The following PMS1 variants were observed in gnomAD, a reference collection of about 807,000 sequenced individuals.
PMS1 encodes the protein PMS1 homolog 1, mismatch repair system component.
PMS1 carries 79 observed loss-of-function variants against 93.1 expected under a neutral mutation model. The ratio of observed to expected loss-of-function variants is 0.85; its 90% CI spans 0.71 to 1.02. The LOEUF is 1.02. Among genes scored for constraint, PMS1 ranks in the 50% least tolerant of loss-of-function variants. PMS1 has a pLI of 0.00. For synonymous variants in PMS1, 335 were observed against 363.4 expected (o/e 0.92, Z 0.89); for missense variants, 1,064 against 1,085.3 (o/e 0.98, Z 0.28).
At chr2:189,868,454 A>G (rs2056860548) in intron 11 of PMS1, among the ~76,000 whole-genome samples, 1 of 152,208 alleles carries the variant, frequency 6.6e-6, no homozygotes, top group Admixed American at 6.5e-5. Flanking sequence ...ATTTAAAAAG[A>G]AAAAAGAAAA....
Position 189,854,549 on chromosome 2 carries a change from C to G in PMS1, c.1277C>G (p.Ser426Cys), listed in dbSNP as rs2055116992. The change falls in exon 9 of 13, where the codon TCT (serine) becomes TGT (cysteine). Residue 426 changes from serine (S) to cysteine (C), a missense_variant. By Grantham distance (112) the Ser-to-Cys change is moderately radical (BLOSUM62 -1). Transcript: ENST00000441310. ...TATGGTCATTGTAGTAGTGAAATTT[C>G]TAACATTGATAAAAACACTAAGAAT... ...FGYGHCSSEI[S>C]NIDKNTKNAF... is the part of the protein sequence containing the mutation. 1 of 1,613,280 alleles carries G rather than the reference C, an allele frequency of 6.2e-7. No homozygotes were observed. The highest frequency in any genetic ancestry group is 8.5e-7 in the Non-Finnish European group (1 of 1,179,456).
chr2:189,805,868 A>G (rs776112287), intron 4 of PMS1, 114 bp downstream of exon 4: 1 of 1,552,468 alleles, frequency 6.4e-7, no homozygotes, highest in South Asian at 1.2e-5. Flanking sequence ...CTTGGTCCTG[A>G]TAAAGGCTAG....
Position 189,877,412 on chromosome 2 carries a change from A to T in PMS1, c.2775A>T (p.Leu925Phe). 1.2e-6 allele frequency: 2 copies of T among 1,612,318 alleles called. No homozygotes were observed. The highest frequency in any genetic ancestry group is 1.7e-6 in the Non-Finnish European group (2 of 1,178,424). ...ATGGTCGCCCATTTTTTCATCATTT[A>T]ACCTATCTTCCAGAAACTACATGAT... ...CVHGRPFFHHLTYLPETT is the reference protein window; with the variant it reads ...CVHGRPFFHHFTYLPETT Residue 925 changes from leucine (L) to phenylalanine (F), a missense_variant, in exon 13 of 13, where the codon TTA becomes TTT. By Grantham distance (22) the Leu-to-Phe change is conservative. Transcript: ENST00000441310.
intron 9 of PMS1, 47 bp from the exon 10 acceptor site, chr2:189,863,696 T>C (rs1403453897): frequency 7.2e-7 from 1 of 1,385,742 alleles, no homozygotes; most frequent in Non-Finnish European, 1.0e-6. Flanking sequence ...ATGGTTAATA[T>C]ATTTCTGATT....
Position 189,833,420 on chromosome 2 carries a change from A to G in PMS1, c.583-10544A>G, listed in dbSNP as rs5743081. 9.6e-3 allele frequency among the ~76,000 whole-genome samples: 1,465 copies of G among 152,224 alleles called. 15 individuals are homozygous for G. Among genetic ancestry groups the G allele is most frequent in the Admixed American group, 0.016 (248 of 15,288 alleles). Reference sequence around the variant, plus strand: ...AACATGGTGAAACCCCGTCTCTACTAAAAATACAAAAATTAACTGGGCATG... The same window carrying G: ...AACATGGTGAAACCCCGTCTCTACTGAAAATACAAAAATTAACTGGGCATG... On this transcript the variant is annotated intron_variant, in intron 5 of 12. Transcript: ENST00000441310.
At chr2:189,809,147 CTTAAT>C (rs1231294846) in intron 4 of PMS1, among the ~76,000 whole-genome samples, 2 of 152,122 alleles carry the variant, frequency 1.3e-5, no homozygotes, top group Non-Finnish European at 2.9e-5. Context: ...ATCTTTTCAT[CTTAAT>C]TTAAGAATGG....
intron 1 of PMS1, among the ~76,000 whole-genome samples, chr2:189,789,818 G>A (rs2048683619): frequency 6.6e-6 from 1 of 151,790 alleles, no homozygotes; most frequent in African/African-American, 2.4e-5. Flanking sequence ...ATTTTTTTTG[G>A]TCCAATAAAA....
At chr2:189,871,480 A>G (rs561457920) in intron 11 of PMS1, among the ~76,000 whole-genome samples, 74 of 152,364 alleles carry the variant, frequency 4.9e-4, no homozygotes, top group Non-Finnish European at 2.5e-4. Context: ...TTGCGGGGAC[A>G]TAAAAAGGAT....
At chr2:189,823,271 T>A (rs1233281) in intron 5 of PMS1, among the ~76,000 whole-genome samples, 3,152 of 152,226 alleles carry the variant, frequency 0.021, 104 homozygotes, top group African/African-American at 0.071. Context: ...TTTATTTTTT[T>A]AATTTATTTT....
At chr2:189,821,842 A>G (rs144643459) in intron 5 of PMS1, among the ~76,000 whole-genome samples, 2 of 152,230 alleles carry the variant, frequency 1.3e-5, no homozygotes, top group Non-Finnish European at 2.9e-5. Flanking sequence ...AGGTAAAAAC[A>G]AGATTATTAC....
At chr2:189,864,690 ATATATATATATAT>A (rs1559324763) in intron 10 of PMS1, among the ~76,000 whole-genome samples, 1 of 8,392 alleles carries the variant, frequency 1.2e-4, no homozygotes, top group African/African-American at 5.5e-4. Flanking sequence ...AAAAAAAAAT[ATATATATATATAT>A]ATATATATAT....
chr2:189,855,626 T>C (rs1246616711), intron 9 of PMS1, among the ~76,000 whole-genome samples: 1 of 152,024 alleles, frequency 6.6e-6, no homozygotes, highest in African/African-American at 2.4e-5. Context: ...TGTTGTTCAT[T>C]TATACTGTTT....
intron 5 of PMS1, among the ~76,000 whole-genome samples, chr2:189,829,172 T>C (rs1037564522): frequency 6.6e-6 from 1 of 152,178 alleles, no homozygotes; most frequent in East Asian, 1.9e-4. Flanking sequence ...ATACTCAGAG[T>C]ACTGAGTAGG....
chr2:189,818,223 T>C (rs777728899), intron 5 of PMS1, 43 bp downstream of exon 5: 5 of 1,230,284 alleles, frequency 4.1e-6, no homozygotes, highest in South Asian at 3.8e-5. Context: ...GTATATGATA[T>C]AATAAACAAT....
chr2:189,843,738 C>G (rs1437679816), intron 5 of PMS1, among the ~76,000 whole-genome samples: 1 of 152,086 alleles, frequency 6.6e-6, no homozygotes, highest in East Asian at 1.9e-4. Flanking sequence ...GAGGAGAAAA[C>G]CAAGGTAAAG....
intron 5 of PMS1, among the ~76,000 whole-genome samples, chr2:189,822,324 C>G (rs2051994190): frequency 6.6e-6 from 1 of 152,192 alleles, no homozygotes; most frequent in African/African-American, 2.4e-5. Context: ...TATGTTTGAC[C>G]CAAGTCTACT....
At chr2:189,796,013 T>A in intron 3 of PMS1, 62 bp downstream of exon 3, 2 of 1,095,868 alleles carry the variant, frequency 1.8e-6, no homozygotes, top group Non-Finnish European at 2.8e-6. Flanking sequence ...CAGTTAAAAC[T>A]AACCCAGTAT....
At chr2:189,799,753 C>T (rs1423485059) in intron 3 of PMS1, among the ~76,000 whole-genome samples, 1 of 152,164 alleles carries the variant, frequency 6.6e-6, no homozygotes, top group Non-Finnish European at 1.5e-5. Flanking sequence ...TGGAGCTTGC[C>T]CTTACCGCAG....
At chr2:189,856,936 T>C (rs911915745) in intron 9 of PMS1, among the ~76,000 whole-genome samples, 4 of 152,098 alleles carry the variant, frequency 2.6e-5, no homozygotes, top group Admixed American at 2.6e-4. Flanking sequence ...CCAGGTAATA[T>C]TCTGGAATCA....
Sources: allele counts gnomAD v4.1 joint callset (sites outside exome capture counted in the v4.1 genomes callset), GRCh38; gene constraint gnomAD v4.1.1; transcripts MANE v1.5; gene names NCBI Gene and HGNC (gene_info 2026-07-23, HGNC 2026-07-21).